The following RPTOR variants were observed in gnomAD, a reference collection of about 807,000 sequenced individuals.
The protein encoded by RPTOR is regulatory associated protein of MTOR complex 1.
RPTOR carries 21 observed loss-of-function variants against 169.9 expected under a neutral mutation model. The observed-to-expected ratio is 0.12, with a 90% CI of 0.09 to 0.18. The LOEUF (loss-of-function observed/expected upper bound fraction) is 0.18, where lower values mean the gene tolerates loss of function less well. Among genes scored for constraint, RPTOR ranks in the 10% least tolerant of loss-of-function variants. RPTOR has a pLI of 1.00. For missense variants in RPTOR, 1,133 were observed against 1,855.9 expected, an observed-to-expected ratio of 0.61 and a Z score of 7.16; for synonymous variants, 732 against 753.2, an observed-to-expected ratio of 0.97 and a Z score of 0.46.
intron 6 of RPTOR, chr17:80,774,397 T>G (rs994147968): frequency 2.1e-6 from 2 of 967,438 alleles, no homozygotes; most frequent in Admixed American, 6.1e-5. Context: ...GTGTCACATT[T>G]GCTCTTACTA....
At chr17:80,829,224 A>G (rs1274095277) in intron 9 of RPTOR, among the ~76,000 whole-genome samples, 1 of 152,230 alleles carries the variant, frequency 6.6e-6, no homozygotes, top group East Asian at 1.9e-4. Context: ...AAATCATTAC[A>G]TACTTCTTTA....
chr17:80,801,205 A>G (rs2067153468), intron 7 of RPTOR, among the ~76,000 whole-genome samples: 1 of 152,196 alleles, frequency 6.6e-6, no homozygotes, highest in African/African-American at 2.4e-5. Context: ...GGGGAATGAT[A>G]GTGACCGTAG....
At position 80,588,227 on chromosome 17, in the gene RPTOR, A is replaced by G. The variant is rs532782207; in HGVS notation, c.163-37464A>G. 4.9e-5 allele frequency among the ~76,000 whole-genome samples: 7 copies of G among 143,784 alleles called. No homozygotes were observed. The South Asian group carries it at 1.6e-3, about 33-fold the overall frequency. 94.3% of individuals were successfully genotyped at this position (143,784 alleles called of 152,430 possible). On this transcript the variant is annotated intron_variant, in intron 1 of 33. Coordinates refer to ENST00000306801, the MANE Select transcript of RPTOR (RefSeq NM_020761.3). Reference sequence around the variant, plus strand: ...GCCCCGGCTGGAGTGCAGTGGTGTAATCTCGGCTCACTGCAACCTCCGCCT... The same window carrying G: ...GCCCCGGCTGGAGTGCAGTGGTGTAGTCTCGGCTCACTGCAACCTCCGCCT...
chr17:80,895,952 A>T (rs564110770), intron 20 of RPTOR, among the ~76,000 whole-genome samples: 1 of 152,190 alleles, frequency 6.6e-6, no homozygotes, highest in African/African-American at 2.4e-5. Context: ...TCCTGGCTGA[A>T]TATATCCATC....
intron 10 of RPTOR, among the ~76,000 whole-genome samples, chr17:80,838,518 A>AG (rs2067590957): frequency 6.6e-6 from 1 of 152,218 alleles, no homozygotes; most frequent in South Asian, 2.1e-4. Context: ...GCAGCTCCCT[A>AG]GGACCCCCTC....
intron 17 of RPTOR, among the ~76,000 whole-genome samples, chr17:80,891,343 C>T (rs535294101): frequency 5.8e-4 from 88 of 152,360 alleles, no homozygotes; most frequent in African/African-American, 1.7e-3. Context: ...TGATCTAGAG[C>T]GGCGTTTTCA....
Position 80,791,370 on chromosome 17 carries a change from T to C in RPTOR, c.831-80T>C, listed in dbSNP as rs2067046424. The C allele has an allele frequency of 1.0e-5, 13 of 1,298,374 alleles. No individual in the cohort carries two copies. In the Admixed American group the frequency reaches 2.3e-4, roughly 23 times the overall value. The allele number at this position is 1,298,374 out of a possible 1,614,324, so 80.4% of individuals were successfully genotyped here. Reference sequence around the variant, plus strand: ...TAGTCCCTGTCCCCACCTTTAACTCTTCCCTTTTTCTGCAGGCCTGTTGAA... The same window carrying C: ...TAGTCCCTGTCCCCACCTTTAACTCCTCCCTTTTTCTGCAGGCCTGTTGAA... On this transcript the variant is annotated intron_variant, in intron 6 of 33. Coordinates refer to ENST00000306801, the MANE Select transcript of RPTOR (RefSeq NM_020761.3).
chr17:80,583,849 G>A (rs959065797), intron 1 of RPTOR, among the ~76,000 whole-genome samples: 5 of 152,242 alleles, frequency 3.3e-5, no homozygotes, highest in African/African-American at 1.2e-4. Flanking sequence ...TACCTAATGT[G>A]CTCTTATTTG....
At chr17:80,589,246 C>T (rs557365907) in intron 1 of RPTOR, among the ~76,000 whole-genome samples, 23 of 152,240 alleles carry the variant, frequency 1.5e-4, no homozygotes, top group South Asian at 1.0e-3. Context: ...ATGATGACTC[C>T]TCTGCAGGCC....
chr17:80,760,309 T>TTC (rs1170953832), intron 6 of RPTOR, among the ~76,000 whole-genome samples: 1 of 142,456 alleles, frequency 7.0e-6, no homozygotes, highest in Non-Finnish European at 1.5e-5. Context: ...TCTTTTTTCT[T>TTC]TTTTTTTTTT....
chr17:80,816,717 T>G (rs1291068198), intron 7 of RPTOR, among the ~76,000 whole-genome samples: 2 of 152,060 alleles, frequency 1.3e-5, no homozygotes, highest in Non-Finnish European at 2.9e-5. Flanking sequence ...AGGAGGTGGC[T>G]TGGAAGGGCG....
intron 1 of RPTOR, 45 bp from the exon 2 acceptor site, chr17:80,625,646 T>C: frequency 7.2e-7 from 1 of 1,394,450 alleles, no homozygotes; most frequent in Non-Finnish European, 1.0e-6. Context: ...CATAAACGAG[T>C]TCCATATTGA....
chr17:80,731,930 C>T (rs1001137952), intron 5 of RPTOR, among the ~76,000 whole-genome samples: 2 of 152,080 alleles, frequency 1.3e-5, no homozygotes, highest in African/African-American at 4.8e-5. Context: ...AAAAGAGTGA[C>T]TGATAAGTAT....
At chr17:80,943,289 C>T (rs2069056394) in intron 25 of RPTOR, among the ~76,000 whole-genome samples, 3 of 152,096 alleles carry the variant, frequency 2.0e-5, no homozygotes, top group South Asian at 4.1e-4. Flanking sequence ...CGGCTTTGAC[C>T]TTGCACCCCG....
chr17:80,571,065 T>C (rs1355278065), intron 1 of RPTOR, among the ~76,000 whole-genome samples: 1 of 152,190 alleles, frequency 6.6e-6, no homozygotes, highest in Non-Finnish European at 1.5e-5. Flanking sequence ...CTGAAATAAT[T>C]GTTAAACACG....
At chr17:80,858,107 G>A (rs1023932610) in intron 13 of RPTOR, 1 of 585,386 alleles carries the variant, frequency 1.7e-6, no homozygotes, top group Non-Finnish European at 3.1e-6. Flanking sequence ...TACCTGTCCT[G>A]TCCCTGGCCT....
Position 80,673,186 on chromosome 17 carries a change from G to A in RPTOR, c.348+29376G>A, listed in dbSNP as rs115231653. Among the ~76,000 whole-genome samples the A allele has an allele frequency of 4.4e-3, 669 of 152,236 alleles. 6 individuals carry two copies. The highest frequency in any genetic ancestry group is 0.016 in the African/African-American group (652 of 41,530). ...AGGTGATTGGCCTCCCCAAAGTGCT[G>A]GGATTATAGGTGTGAGCCGCCACGC... On this transcript the variant is annotated intron_variant, in intron 3 of 33. Coordinates refer to ENST00000306801, the MANE Select transcript of RPTOR (RefSeq NM_020761.3).
chr17:80,880,976 T>C (rs1424210159), intron 14 of RPTOR, among the ~76,000 whole-genome samples: 3 of 151,970 alleles, frequency 2.0e-5, no homozygotes, highest in African/African-American at 7.2e-5. Flanking sequence ...CAGTATACTT[T>C]ATTGTATTAA....
At chr17:80,700,786 GGTGGTGGTGGTGA>G (rs1598236520) in intron 3 of RPTOR, among the ~76,000 whole-genome samples, 7 of 114,490 alleles carry the variant, frequency 6.1e-5, no homozygotes, top group Admixed American at 8.7e-5. Context: ...AGATGATGAT[GGTGGTGGTGGTGA>G]TGATGATGGT....
Sources: allele counts gnomAD v4.1 joint callset (sites outside exome capture counted in the v4.1 genomes callset), GRCh38; gene constraint gnomAD v4.1.1; transcripts MANE v1.5; gene names NCBI Gene and HGNC (gene_info 2026-07-23, HGNC 2026-07-21).